Variants in MPPED2 observed in about 807,000 individuals in gnomAD.
MPPED2 encodes the protein metallophosphoesterase domain containing 2.
MPPED2 carries 5 observed loss-of-function variants against 33.0 expected under a neutral mutation model. The observed-to-expected ratio is 0.15, with a 90% confidence interval of 0.08 to 0.32. The LOEUF is 0.32. Ranked by LOEUF, MPPED2 falls within the 10% of genes least tolerant of loss-of-function variation. MPPED2 has a pLI of 1.00. For missense variants in MPPED2, 275 were observed against 372.1 expected, an observed-to-expected ratio of 0.74 and a Z score of 2.15; for synonymous variants, 136 against 141.9, an observed-to-expected ratio of 0.96 and a Z score of 0.29.
chr11:30,432,494 T>C (rs930880777), intron 4 of MPPED2, among the ~76,000 whole-genome samples: 4 of 152,216 alleles, frequency 2.6e-5, no homozygotes, highest in African/African-American at 4.8e-5. Context: ...ATTTGCTATA[T>C]TTCATTTTTG....
chr11:30,536,367 G>A (rs531062625), intron 2 of MPPED2, among the ~76,000 whole-genome samples, 192 bp from the exon 3 acceptor site: 1 of 152,260 alleles, frequency 6.6e-6, no homozygotes, highest in South Asian at 2.1e-4. Context: ...AACCCACTGG[G>A]CAAATTCAAA....
chr11:30,584,402 AGGCTCAC>A (rs1006517883), intron 1 of MPPED2, among the ~76,000 whole-genome samples: 4 of 146,956 alleles, frequency 2.7e-5, no homozygotes, highest in African/African-American at 1.1e-4. Flanking sequence ...CTGCCCTTCT[AGGCTCAC>A]GGCTGGCTCT....
intron 2 of MPPED2, among the ~76,000 whole-genome samples, chr11:30,574,914 A>T (rs924372603): frequency 1.3e-5 from 2 of 152,208 alleles, no homozygotes; most frequent in Non-Finnish European, 2.9e-5. Context: ...GTATTCCCTA[A>T]AAATCACCAG....
intron 2 of MPPED2, among the ~76,000 whole-genome samples, chr11:30,566,713 GTGT>G (rs1956459201): frequency 6.6e-6 from 1 of 152,174 alleles, no homozygotes; most frequent in Non-Finnish European, 1.5e-5. Context: ...ATTGTGATAG[GTGT>G]TGTGAATACA....
chr11:30,491,952 T>G (rs989712854), intron 4 of MPPED2, among the ~76,000 whole-genome samples: 20 of 152,162 alleles, frequency 1.3e-4, no homozygotes, highest in Admixed American at 8.5e-4. Context: ...TCTCCCTCAT[T>G]GTAAAGAGAT....
At chr11:30,551,471 T>C (rs12791473) in intron 2 of MPPED2, among the ~76,000 whole-genome samples, 3,743 of 152,284 alleles carry the variant, frequency 0.025, 74 homozygotes, top group Non-Finnish European at 0.036. Flanking sequence ...AGTTGAAAAA[T>C]TGTAAGTTTT....
chr11:30,413,198 C>T (rs1565042451), intron 6 of MPPED2, among the ~76,000 whole-genome samples: 1 of 152,234 alleles, frequency 6.6e-6, no homozygotes, highest in Non-Finnish European at 1.5e-5. Flanking sequence ...AACCAGGAAG[C>T]CACTGAATTT....
chr11:30,418,046 T>G (rs573509038), intron 4 of MPPED2, among the ~76,000 whole-genome samples: 1 of 151,156 alleles, frequency 6.6e-6, no homozygotes, highest in African/African-American at 2.4e-5. Flanking sequence ...AGGGGAGGAG[T>G]GAGGAGGGAG....
At chr11:30,553,101 G>A (rs1263801208) in intron 2 of MPPED2, among the ~76,000 whole-genome samples, 1 of 152,116 alleles carries the variant, frequency 6.6e-6, no homozygotes, top group Non-Finnish European at 1.5e-5. Flanking sequence ...TGCAAACCAA[G>A]GGTGCAGATG....
intron 3 of MPPED2, among the ~76,000 whole-genome samples, chr11:30,526,589 T>C (rs1045648834): frequency 2.0e-5 from 3 of 152,030 alleles, no homozygotes; most frequent in Non-Finnish European, 4.4e-5. Flanking sequence ...TTGTAAATCA[T>C]AGGAAGAGTT....
chr11:30,504,720 T>C, intron 3 of MPPED2: 2 of 1,237,710 alleles, frequency 1.6e-6, no homozygotes, highest in South Asian at 2.5e-5. Context: ...CTGACAGCTC[T>C]AACGTTAATA....
intron 2 of MPPED2, among the ~76,000 whole-genome samples, chr11:30,552,187 C>T (rs1955746486): frequency 6.6e-6 from 1 of 152,184 alleles, no homozygotes; most frequent in South Asian, 2.1e-4. Context: ...GTACTCCTAT[C>T]AGATAGGTAG....
At chr11:30,511,711 G>A (rs1953206164) in intron 3 of MPPED2, among the ~76,000 whole-genome samples, 1 of 152,078 alleles carries the variant, frequency 6.6e-6, no homozygotes, top group Admixed American at 6.6e-5. Flanking sequence ...TCATTAGAAC[G>A]CTCAGTGCAA....
In MPPED2 at chr11:30,557,213, T is replaced by TTA. The variant is rs1213258791; in HGVS notation, c.129-21040_129-21039dup. Among the ~76,000 whole-genome samples, 16 of 147,370 alleles carry TTA rather than the reference T, an allele frequency of 1.1e-4. 1 individual carries two copies. Among genetic ancestry groups the TTA allele is most frequent in the African/African-American group, 3.2e-4 (12 of 37,272 alleles). On this transcript the variant is annotated intron_variant, in intron 2 of 6. Coordinates refer to ENST00000358117, the MANE Select transcript of MPPED2 (RefSeq NM_001584.3). Reference sequence around the variant, plus strand: ...AGAATGACTGTGCCAAATAAGCAAATTATATATATATAATATATATATCAA... The same window carrying TTA: ...AGAATGACTGTGCCAAATAAGCAAATTATATATATATATAATATATATATCAA...
intron 6 of MPPED2, among the ~76,000 whole-genome samples, chr11:30,402,779 T>C (rs1590160377): frequency 6.6e-6 from 1 of 152,342 alleles, no homozygotes; most frequent in South Asian, 2.1e-4. Context: ...GATATCTCAC[T>C]TCTTTGGGAA....
At chr11:30,574,768 T>C (rs1283372620) in intron 2 of MPPED2, among the ~76,000 whole-genome samples, 6 of 152,342 alleles carry the variant, frequency 3.9e-5, no homozygotes, top group African/African-American at 1.4e-4. Context: ...TTACATTTTT[T>C]ATCAATTTAA....
intron 4 of MPPED2, among the ~76,000 whole-genome samples, chr11:30,448,058 G>A (rs1487472868): frequency 6.6e-6 from 1 of 152,120 alleles, no homozygotes; most frequent in East Asian, 1.9e-4. Flanking sequence ...TAAGATGAGG[G>A]AAATCCCTGT....
At chr11:30,467,957 C>T (rs1192591691) in intron 4 of MPPED2, among the ~76,000 whole-genome samples, 1 of 152,036 alleles carries the variant, frequency 6.6e-6, no homozygotes, top group East Asian at 1.9e-4. Flanking sequence ...ATGGAGGCTC[C>T]TTGGAGATCA....
At chr11:30,386,004 A>G (rs1947698648) in exon 7 of MPPED2, 1 of 152,146 alleles carries the variant, frequency 6.6e-6, no homozygotes, top group African/African-American at 2.4e-5. Flanking sequence ...GATGAGTTGT[A>G]GAGGGGCCAG....
Sources: allele counts gnomAD v4.1 joint callset (sites outside exome capture counted in the v4.1 genomes callset), GRCh38; gene constraint gnomAD v4.1.1; transcripts MANE v1.5; gene names NCBI Gene and HGNC (gene_info 2026-07-23, HGNC 2026-07-21).